The following FRYL variants were observed in gnomAD, a reference collection of about 807,000 sequenced individuals.
FRYL encodes the protein protein furry homolog-like.
A neutral mutation model predicts 351.2 loss-of-function variants in FRYL; 150 were observed. That is an observed-to-expected ratio of 0.43 (90% CI 0.37 to 0.49). The LOEUF (loss-of-function observed/expected upper bound fraction) is 0.49. FRYL is among the 20% of genes least tolerant of loss of function. FRYL has a pLI of 0.00. For synonymous variants in FRYL, 1,153 were observed against 1,257.1 expected (o/e 0.92, Z 1.75); for missense variants, 3,036 against 3,619.3 (o/e 0.84, Z 4.13).
At chr4:48,712,932 T>G in intron 1 of FRYL, among the ~76,000 whole-genome samples, 1 of 152,136 alleles carries the variant, frequency 6.6e-6, no homozygotes, top group East Asian at 1.9e-4. Context: ...ATTCAACATT[T>G]TTAAAGAAAA....
At chr4:48,737,263 A>G (rs1367196342) in intron 1 of FRYL, among the ~76,000 whole-genome samples, 1 of 149,696 alleles carries the variant, frequency 6.7e-6, no homozygotes, top group African/African-American at 2.4e-5. Flanking sequence ...ATCACAGAAA[A>G]AAAAAAAAAA....
At chr4:48,535,848 T>C (rs1431960856) in intron 47 of FRYL, 21 bp from the exon 48 acceptor site, 3 of 1,469,190 alleles carry the variant, frequency 2.0e-6, no homozygotes, top group Non-Finnish European at 2.7e-6. Flanking sequence ...AATAAAATTA[T>C]TTCATTCACC....
At position 48,500,149 on chromosome 4, in the gene FRYL, G is replaced by A. The variant is rs188895645; in HGVS notation, c.8664C>T (p.Asn2888=). The change falls in exon 63 of 64, where the codon AAC becomes AAT. Residue 2888 remains asparagine, a synonymous_variant. Transcript: ENST00000358350. ...ILKEAESASE[N]EEIDISKAAQ... Reference sequence around the variant, plus strand: ...CAGCTTTGGAAATGTCAATTTCTTCGTTTTCGGAAGCGGACTCAGCTTCTT... The same window carrying A: ...CAGCTTTGGAAATGTCAATTTCTTCATTTTCGGAAGCGGACTCAGCTTCTT... 3.0e-5 allele frequency: 48 copies of A among 1,605,340 alleles called. No individual in the cohort carries two copies. The East Asian group carries it at 3.6e-4, about 12-fold the overall frequency.
intron 34 of FRYL, 41 bp downstream of exon 34, chr4:48,557,412 A>G: frequency 6.2e-7 from 1 of 1,609,400 alleles, no homozygotes; most frequent in Non-Finnish European, 8.5e-7. Context: ...TACTCACTCA[A>G]TAATTCTGTG....
chr4:48,737,235 G>A (rs1481852420), intron 1 of FRYL, among the ~76,000 whole-genome samples: 1 of 141,550 alleles, frequency 7.1e-6, no homozygotes, highest in Non-Finnish European at 1.5e-5. Context: ...TCCAGCCTGG[G>A]CCACAGAGCG....
At chr4:48,717,646 T>G (rs1288312300) in intron 1 of FRYL, among the ~76,000 whole-genome samples, 1 of 151,524 alleles carries the variant, frequency 6.6e-6, no homozygotes, top group East Asian at 1.9e-4. Flanking sequence ...GTTCAAGCAA[T>G]CCTCCTGCCT....
At chr4:48,503,636 G>C (rs1231480312) in intron 60 of FRYL, among the ~76,000 whole-genome samples, 1 of 152,166 alleles carries the variant, frequency 6.6e-6, no homozygotes, top group African/African-American at 2.4e-5. Flanking sequence ...CACCGTAAAT[G>C]TATCTTCTAA....
intron 2 of FRYL, among the ~76,000 whole-genome samples, chr4:48,699,017 T>C (rs1766470534): frequency 6.6e-6 from 1 of 152,284 alleles, no homozygotes; most frequent in African/African-American, 2.4e-5. Context: ...GCTTCACATA[T>C]GTTACTTCAT....
At chr4:48,554,075 CAT>C (rs947396183) in intron 35 of FRYL, among the ~76,000 whole-genome samples, 3 of 152,156 alleles carry the variant, frequency 2.0e-5, no homozygotes, top group African/African-American at 7.2e-5. Context: ...GTAGTATATA[CAT>C]ATGTTTTAGT....
At chr4:48,748,519 G>C (rs928629019) in intron 1 of FRYL, among the ~76,000 whole-genome samples, 2 of 152,116 alleles carry the variant, frequency 1.3e-5, no homozygotes, top group African/African-American at 4.8e-5. Context: ...CCTTCCTCCT[G>C]ACTGAACACA....
intron 1 of FRYL, among the ~76,000 whole-genome samples, chr4:48,745,217 T>C (rs1772533899): frequency 6.6e-6 from 1 of 152,162 alleles, no homozygotes; most frequent in Non-Finnish European, 1.5e-5. Flanking sequence ...GATCTAGAAC[T>C]AGAAATACCA....
chr4:48,571,456 T>C (rs1250898701), intron 26 of FRYL, among the ~76,000 whole-genome samples: 2 of 152,214 alleles, frequency 1.3e-5, no homozygotes, highest in East Asian at 1.9e-4. Flanking sequence ...CCCAGAATAA[T>C]AGCTGTAACA....
rs1465546942 is a variant in FRYL, at chr4:48,543,870, A to C, written c.5529T>G (p.Thr1843=). Reference sequence around the variant, plus strand: ...GTCTGGAGAGAACATCAGAAAGTGTAGTTGCAGTGAGAGGCTGCTTTAGGG... The same window carrying C: ...GTCTGGAGAGAACATCAGAAAGTGTCGTTGCAGTGAGAGGCTGCTTTAGGG... ...FRALKQPLTA[T]TLSDVLSRLV... is the part of the protein sequence containing the mutation. Residue 1843 remains threonine, a synonymous_variant, in exon 44 of 64, where the codon ACT becomes ACG. Transcript: ENST00000358350. The C allele has an allele frequency of 1.2e-6, 2 of 1,613,920 alleles. No individual in the cohort carries two copies. Among genetic ancestry groups the C allele is most frequent in the South Asian group, 2.2e-5 (2 of 91,088 alleles).
chr4:48,561,539 G>A lies in FRYL; in HGVS notation c.3794C>T (p.Ser1265Phe). Residue 1265 changes from serine to phenylalanine, a missense_variant, in exon 33 of 64, where the codon TCT becomes TTT. By Grantham distance (155) the Ser-to-Phe change is radical. Transcript: ENST00000358350. ...CTCGGACAACTGATAATATGAAACAGAATAGAGATGTGGTAGAGGAGACAG... is the reference window on the plus strand; with the variant it reads ...CTCGGACAACTGATAATATGAAACAAAATAGAGATGTGGTAGAGGAGACAG... ...SQLSPLPHLY[S>F]VSYYQLSEEL... 1 of 1,612,644 alleles carries A rather than the reference G, an allele frequency of 6.2e-7. No individual in the cohort carries two copies. Among genetic ancestry groups the A allele is most frequent in the Middle Eastern group, 1.7e-4 (1 of 6,050 alleles).
intron 44 of FRYL, 133 bp downstream of exon 44, chr4:48,543,674 C>T (rs1730715265): frequency 7.1e-6 from 5 of 706,340 alleles, no homozygotes; most frequent in Admixed American, 2.9e-5. Flanking sequence ...TCTCTTAATT[C>T]TTTGCCTGCT....
chr4:48,689,861 A>G (rs1448524802), intron 2 of FRYL, among the ~76,000 whole-genome samples: 1 of 150,786 alleles, frequency 6.6e-6, no homozygotes, highest in Non-Finnish European at 1.5e-5. Flanking sequence ...TTCTATGCCT[A>G]CCATTTATAG....
intron 4 of FRYL, among the ~76,000 whole-genome samples, chr4:48,628,804 C>G (rs1345622761): frequency 6.6e-6 from 1 of 151,588 alleles, no homozygotes; most frequent in Non-Finnish European, 1.5e-5. Flanking sequence ...AATTATTATA[C>G]GTCAATTATT....
intron 19 of FRYL, among the ~76,000 whole-genome samples, chr4:48,584,085 C>T (rs1578223383): frequency 6.6e-6 from 1 of 151,796 alleles, no homozygotes; most frequent in Non-Finnish European, 1.5e-5. Context: ...GAATGATAAA[C>T]AAGAAATTCT....
chr4:48,571,030 A>G (rs1426376848), intron 26 of FRYL, 112 bp from the exon 27 acceptor site: 2 of 738,598 alleles, frequency 2.7e-6, no homozygotes, highest in Non-Finnish European at 4.5e-6. Flanking sequence ...TTTTGCTTGT[A>G]CAGTGTAGAC....
Sources: allele counts gnomAD v4.1 joint callset (sites outside exome capture counted in the v4.1 genomes callset), GRCh38; gene constraint gnomAD v4.1.1; transcripts MANE v1.5; gene names NCBI Gene and HGNC (gene_info 2026-07-23, HGNC 2026-07-21).